LRBA: variants seen among roughly 807,000 people sequenced by gnomAD.
The protein encoded by LRBA is lipopolysaccharide-responsive and beige-like anchor protein.
A neutral mutation model predicts 330.0 loss-of-function variants in LRBA; 176 were observed. The ratio of observed to expected loss-of-function variants is 0.53; its 90% CI spans 0.47 to 0.60. LRBA has a LOEUF of 0.60. Among genes scored for constraint, LRBA ranks in the 20% least tolerant of loss-of-function variants. LRBA has a pLI of 0.00. For synonymous variants in LRBA, 1,230 were observed against 1,193.0 expected (o/e 1.03, Z -0.64); for missense variants, 3,259 against 3,444.8 (o/e 0.95, Z 1.35).
chr4:150,396,011 G>A (rs536524031), intron 47 of LRBA, among the ~76,000 whole-genome samples: 117 of 152,258 alleles, frequency 7.7e-4, no homozygotes, highest in Non-Finnish European at 1.3e-3. Context: ...AGTGGGCTGC[G>A]GGATGCCCAG....
intron 30 of LRBA, among the ~76,000 whole-genome samples, chr4:150,823,294 T>C (rs953505425): frequency 2.6e-5 from 4 of 152,206 alleles, no homozygotes; most frequent in Non-Finnish European, 5.9e-5. Context: ...TATTTTTAAA[T>C]TATTATTAAT....
intron 2 of LRBA, 137 bp from the exon 3 acceptor site, chr4:150,929,202 C>T (rs1734202336): frequency 3.6e-6 from 2 of 561,122 alleles, no homozygotes; most frequent in South Asian, 3.1e-5. Flanking sequence ...AAACATGCAG[C>T]TCAAAAAACT....
At chr4:150,785,097 GGGGTT>G (rs1738853888) in intron 34 of LRBA, among the ~76,000 whole-genome samples, 1 of 152,092 alleles carries the variant, frequency 6.6e-6, no homozygotes, top group South Asian at 2.1e-4. Context: ...CCAAAACCTG[GGGGTT>G]TGTTTTTCAG....
intron 2 of LRBA, among the ~76,000 whole-genome samples, chr4:151,002,417 T>C (rs1360469254): frequency 6.6e-6 from 1 of 151,168 alleles, no homozygotes. Flanking sequence ...ATACAAAAAT[T>C]AGCTGTGTGT....
At chr4:150,993,586 A>G (rs1742328843) in intron 2 of LRBA, among the ~76,000 whole-genome samples, 1 of 152,192 alleles carries the variant, frequency 6.6e-6, no homozygotes, top group South Asian at 2.1e-4. Context: ...AAGACTGGGA[A>G]GAAAAAGAAG....
rs192136879 is a variant in LRBA, at chr4:150,951,462, C to T, written c.217-22397G>A. On this transcript the variant is annotated intron_variant, in intron 2 of 56. Coordinates refer to ENST00000651943, the MANE Select transcript of LRBA (RefSeq NM_001364905.1). The stretch of plus-strand genomic sequence containing the variant: ...ATTTTATCAATTATTTTAAAAAGAT[C>T]AGAGATCAGAATGTGTCTTATAATC... 1.6e-3 allele frequency among the ~76,000 whole-genome samples: 236 copies of T among 151,860 alleles called. 1 individual carries two copies. Among genetic ancestry groups the T allele is most frequent in the African/African-American group, 5.4e-3 (222 of 41,444 alleles).
intron 47 of LRBA, among the ~76,000 whole-genome samples, chr4:150,371,181 AATTTTTTTTT>A (rs1740236201): frequency 7.3e-6 from 1 of 136,754 alleles, no homozygotes; most frequent in African/African-American, 3.2e-5. Flanking sequence ...CAAGCTACTA[AATTTTTTTTT>A]TTTTTTTTTT....
At chr4:150,679,771 G>A (rs1341716005) in intron 37 of LRBA, 4 of 152,238 alleles carry the variant, frequency 2.6e-5, no homozygotes, top group East Asian at 1.9e-4. Context: ...ATGAGGTTCC[G>A]TTAAAAATTC....
chr4:150,618,022 T>A (rs1214625503), intron 37 of LRBA, among the ~76,000 whole-genome samples: 3 of 152,042 alleles, frequency 2.0e-5, no homozygotes, highest in Admixed American at 6.5e-5. Flanking sequence ...GAGGATCGAT[T>A]GAGCCTGGGG....
At chr4:150,605,551 AT>A (rs1452260308) in intron 37 of LRBA, among the ~76,000 whole-genome samples, 3 of 152,144 alleles carry the variant, frequency 2.0e-5, no homozygotes, top group East Asian at 1.9e-4. Flanking sequence ...CTATTTCCAT[AT>A]TTTTAGATTA....
At chr4:150,930,551 C>T (rs545792731) in intron 2 of LRBA, among the ~76,000 whole-genome samples, 146 of 151,852 alleles carry the variant, frequency 9.6e-4, no homozygotes, top group Admixed American at 2.4e-3. Flanking sequence ...ACAGACATGA[C>T]CAAGTGGAGT....
chr4:150,504,615 A>T (rs1314274563), intron 40 of LRBA, among the ~76,000 whole-genome samples: 1 of 152,224 alleles, frequency 6.6e-6, no homozygotes, highest in East Asian at 1.9e-4. Flanking sequence ...GAAAGGAACA[A>T]CTGGTACCAG....
intron 2 of LRBA, among the ~76,000 whole-genome samples, chr4:150,987,727 C>T (rs1741619436): frequency 6.7e-6 from 1 of 150,284 alleles, no homozygotes; most frequent in South Asian, 2.1e-4. Flanking sequence ...ACAGGCCAGG[C>T]GCGGTGGCTC....
chr4:150,687,658 G>A (rs1295585101), intron 36 of LRBA, among the ~76,000 whole-genome samples: 1 of 152,082 alleles, frequency 6.6e-6, no homozygotes, highest in South Asian at 2.1e-4. Flanking sequence ...CTCCACAGAA[G>A]AAATTCAGTC....
At chr4:150,769,309 A>G (rs536907020) in intron 34 of LRBA, among the ~76,000 whole-genome samples, 1 of 152,084 alleles carries the variant, frequency 6.6e-6, no homozygotes, top group South Asian at 2.1e-4. Flanking sequence ...AACGAATGGG[A>G]AGAGAGAGAG....
intron 22 of LRBA, among the ~76,000 whole-genome samples, chr4:150,857,158 AC>A (rs377585870): frequency 2.2e-4 from 34 of 152,268 alleles, no homozygotes; most frequent in Non-Finnish European, 3.8e-4. Flanking sequence ...TAAGTTACCA[AC>A]CTTTGATAAA....
chr4:150,279,267 C>T (rs1470786268), intron 55 of LRBA, among the ~76,000 whole-genome samples: 1 of 152,172 alleles, frequency 6.6e-6, no homozygotes, highest in Non-Finnish European at 1.5e-5. Flanking sequence ...AGTGTGATTA[C>T]TCCTAATTGT....
chr4:150,286,093 T>A, intron 53 of LRBA, 59 bp from the exon 54 acceptor site: 1 of 1,153,198 alleles, frequency 8.7e-7, no homozygotes. Flanking sequence ...TATTAAATAA[T>A]CAACAACTTG....
chr4:150,803,373 A>G (rs1742033792), intron 33 of LRBA, among the ~76,000 whole-genome samples: 1 of 152,060 alleles, frequency 6.6e-6, no homozygotes, highest in African/African-American at 2.4e-5. Context: ...ATATCAAATA[A>G]TTATGGAAAA....
Sources: allele counts gnomAD v4.1 joint callset (sites outside exome capture counted in the v4.1 genomes callset), GRCh38; gene constraint gnomAD v4.1.1; transcripts MANE v1.5; gene names NCBI Gene and HGNC (gene_info 2026-07-23, HGNC 2026-07-21).